Variants in RBMS1 observed in about 807,000 individuals in gnomAD.
RBMS1 encodes the protein RNA binding motif single stranded interacting protein 1, also known as RNA-binding motif, single-stranded-interacting protein 1.
Under a neutral mutation model 62.3 loss-of-function variants are expected in RBMS1, and 17 were observed. The observed-to-expected ratio is 0.27, with a 90% CI of 0.19 to 0.41. The LOEUF is 0.41. Among genes scored for constraint, RBMS1 ranks in the 10% least tolerant of loss-of-function variants. The probability of loss-of-function intolerance (pLI) is 1.00; values close to 1 mark genes in which losing one functional copy is unlikely to be tolerated. For missense variants in RBMS1, 334 were observed against 504.5 expected, an observed-to-expected ratio of 0.66 and a Z score of 3.24; for synonymous variants, 172 against 170.0, an observed-to-expected ratio of 1.01 and a Z score of -0.09.
At chr2:160,450,540 C>CAA (rs1355990593) in intron 1 of RBMS1, among the ~76,000 whole-genome samples, 5 of 14,300 alleles carry the variant, frequency 3.5e-4, no homozygotes, top group Non-Finnish European at 5.0e-4. Context: ...AATTCCATCT[C>CAA]AAAAAAAATA....
intron 4 of RBMS1, among the ~76,000 whole-genome samples, chr2:160,311,210 A>AATCTCTCTCTCTCTCTCTC (rs1407068145): frequency 1.8e-5 from 1 of 56,608 alleles, no homozygotes; most frequent in Non-Finnish European, 3.7e-5. Context: ...AAAAAAAAAA[A>AATCTCTCTCTCTCTCTCTC]TCTATCTATC....
intron 2 of RBMS1, among the ~76,000 whole-genome samples, chr2:160,318,519 T>G (rs1016416959): frequency 2.0e-5 from 3 of 152,228 alleles, no homozygotes; most frequent in African/African-American, 7.2e-5. Context: ...ACATGGGATG[T>G]GGGCTCTATA....
intron 2 of RBMS1, among the ~76,000 whole-genome samples, chr2:160,344,556 T>C (rs1210111664): frequency 6.6e-6 from 1 of 152,184 alleles, no homozygotes; most frequent in Non-Finnish European, 1.5e-5. Context: ...GAAACACCAA[T>C]GGTTTCTATA....
intron 1 of RBMS1, among the ~76,000 whole-genome samples, chr2:160,476,224 G>T (rs567179251): frequency 4.6e-5 from 7 of 152,146 alleles, no homozygotes; most frequent in Middle Eastern, 3.4e-3. Flanking sequence ...TGAATACTTG[G>T]TTTTTTGCAT....
chr2:160,350,836 C>A (rs1363720650), intron 2 of RBMS1, among the ~76,000 whole-genome samples: 1 of 152,120 alleles, frequency 6.6e-6, no homozygotes, highest in Non-Finnish European at 1.5e-5. Context: ...GTCTTTATAG[C>A]AGCATGATTT....
At chr2:160,314,318 G>A (rs1690094196) in intron 3 of RBMS1, among the ~76,000 whole-genome samples, 1 of 152,090 alleles carries the variant, frequency 6.6e-6, no homozygotes, top group South Asian at 2.1e-4. Context: ...ACGGTACCAG[G>A]CAAAATACCA....
chr2:160,315,752 T>G (rs1373580615), intron 3 of RBMS1, among the ~76,000 whole-genome samples: 1 of 152,224 alleles, frequency 6.6e-6, no homozygotes, highest in Non-Finnish European at 1.5e-5. Flanking sequence ...CTTTTTGTCC[T>G]GAACTGACAT....
chr2:160,362,061 A>G (rs563754381), intron 2 of RBMS1, among the ~76,000 whole-genome samples: 1 of 152,346 alleles, frequency 6.6e-6, no homozygotes, highest in African/African-American at 2.4e-5. Context: ...TATAGCATGC[A>G]ATGCTGTTTC....
intron 2 of RBMS1, among the ~76,000 whole-genome samples, chr2:160,357,735 T>C (rs765603826): frequency 1.3e-5 from 2 of 152,140 alleles, no homozygotes; most frequent in African/African-American, 4.8e-5. Context: ...TCTAATTGTG[T>C]ACACAGCAAT....
At chr2:160,408,624 A>T (rs900722726) in intron 1 of RBMS1, 2 of 152,204 alleles carry the variant, frequency 1.3e-5, no homozygotes, top group Admixed American at 6.5e-5. Flanking sequence ...GTTAATTATT[A>T]GATGCGACAC....
chr2:160,420,621 G>GT (rs80091811), intron 1 of RBMS1, among the ~76,000 whole-genome samples: 41,073 of 151,968 alleles, frequency 0.27, 6,150 homozygotes, highest in East Asian at 0.59. Flanking sequence ...CTGTCAGTCA[G>GT]TAGTTCTCGG....
chr2:160,475,882 G>T (rs1214021275), intron 1 of RBMS1, among the ~76,000 whole-genome samples: 47 of 147,696 alleles, frequency 3.2e-4, no homozygotes, highest in Non-Finnish European at 1.0e-4. Context: ...TTTGAGAAGG[G>T]TTCTCACTCC....
chr2:160,318,144 C>A, intron 3 of RBMS1, 25 bp downstream of exon 3: 2 of 1,555,192 alleles, frequency 1.3e-6, no homozygotes, highest in Non-Finnish European at 8.7e-7. Context: ...TATCATTTAC[C>A]AAATAACCAG....
At chr2:160,426,297 A>T (rs71338847) in intron 1 of RBMS1, among the ~76,000 whole-genome samples, 1 of 56,102 alleles carries the variant, frequency 1.8e-5, no homozygotes, top group Non-Finnish European at 3.6e-5. Flanking sequence ...AAGAAAAGAA[A>T]GAAGGAAGGA....
At chr2:160,424,367 G>GT (rs1208768494) in intron 1 of RBMS1, among the ~76,000 whole-genome samples, 1 of 54,440 alleles carries the variant, frequency 1.8e-5, no homozygotes. Context: ...TGAGAGATTG[G>GT]GGGGGGGGGG....
intron 1 of RBMS1, among the ~76,000 whole-genome samples, chr2:160,391,658 T>C (rs1694870524): frequency 1.3e-5 from 2 of 152,186 alleles, no homozygotes; most frequent in Admixed American, 6.5e-5. Flanking sequence ...GAATTATGGA[T>C]AAGTCTTAGG....
At chr2:160,419,635 G>A (rs1269507670) in intron 1 of RBMS1, among the ~76,000 whole-genome samples, 1 of 152,194 alleles carries the variant, frequency 6.6e-6, no homozygotes, top group Non-Finnish European at 1.5e-5. Context: ...GTGGATGTCA[G>A]TGTATTAAAA....
rs138234407 is a variant in RBMS1, at chr2:160,466,801, A to T, written c.75+26488T>A. On this transcript the variant is annotated intron_variant, in intron 1 of 13. Coordinates refer to ENST00000348849, the MANE Select transcript of RBMS1 (RefSeq NM_016836.4). ...CAAGGGAAGCAGTGAGGTGGAGTGAAAACAGTGACTTTGAAGTGTGACGGA... is the reference window on the plus strand; with the variant it reads ...CAAGGGAAGCAGTGAGGTGGAGTGATAACAGTGACTTTGAAGTGTGACGGA... Among the ~76,000 whole-genome samples the T allele has an allele frequency of 7.9e-3, 1,206 of 152,324 alleles. 8 individuals are homozygous for T. The highest frequency in any genetic ancestry group is 0.012 in the South Asian group (60 of 4,832).
intron 1 of RBMS1, among the ~76,000 whole-genome samples, chr2:160,444,814 AAC>A (rs1264638337): frequency 6.6e-6 from 1 of 152,100 alleles, no homozygotes; most frequent in African/African-American, 2.4e-5. Context: ...CCCAGCACCA[AAC>A]ACATATGCAC....
Sources: allele counts gnomAD v4.1 joint callset (sites outside exome capture counted in the v4.1 genomes callset), GRCh38; gene constraint gnomAD v4.1.1; transcripts MANE v1.5; gene names NCBI Gene and HGNC (gene_info 2026-07-23, HGNC 2026-07-21).